PANK2: variants seen among roughly 807,000 people sequenced by gnomAD.
PANK2 encodes pantothenate kinase 2, mitochondrial.
PANK2 carries 36 observed loss-of-function variants against 43.1 expected under a neutral mutation model. The ratio of observed to expected loss-of-function variants is 0.84; its 90% CI spans 0.64 to 1.10. The LOEUF (loss-of-function observed/expected upper bound fraction) is 1.10, where lower values mean the gene tolerates loss of function less well. PANK2 is among the 50% of genes least tolerant of loss of function. The probability of loss-of-function intolerance (pLI) is 0.00; values close to 1 mark genes in which losing one functional copy is unlikely to be tolerated. For missense variants in PANK2, 576 were observed against 593.3 expected, an observed-to-expected ratio of 0.97 and a Z score of 0.30; for synonymous variants, 281 against 238.2, an observed-to-expected ratio of 1.18 and a Z score of -1.66.
rs2090527850 is a variant in PANK2, at chr20:3,914,500, G to T, written c.1082+1866G>T. Among the ~76,000 whole-genome samples, 2 of 151,758 alleles carry T rather than the reference G, an allele frequency of 1.3e-5. 1 individual carries two copies. Among genetic ancestry groups the T allele is most frequent in the South Asian group, 4.2e-4 (2 of 4,818 alleles). On this transcript the variant is annotated intron_variant, in intron 4 of 6. Coordinates refer to ENST00000610179, the MANE Select transcript of PANK2 (RefSeq NM_001386393.1). ...CTAATTTTTTTTTTGTAGAGATAGG[G>T]TCTTGCTATGTTGCCTAGGCTGTCC...
chr20:3,901,832 A>T (rs1403487037), intron 1 of PANK2, among the ~76,000 whole-genome samples: 1 of 151,998 alleles, frequency 6.6e-6, no homozygotes, highest in Non-Finnish European at 1.5e-5. Flanking sequence ...TTGAAAGCTT[A>T]TTTGGTTGGC....
rs765203492 is a variant in PANK2 at position 3,908,183 on chromosome 20, A to G, written c.556A>G (p.Ile186Val). The change falls in exon 2 of 7, where the codon ATT becomes GTT. Residue 186 changes from isoleucine (I) to valine (V), a missense_variant. Physicochemically the swap from Ile to Val is conservative, Grantham distance 29. Coordinates refer to ENST00000610179, the MANE Select transcript of PANK2 (RefSeq NM_001386393.1). ...TCCCACTCATGACATGCCTGCTTTT[A>G]TTCAAATGGGCAGAGATAAAAACTT... The G allele has an allele frequency of 3.1e-6, 5 of 1,614,046 alleles. No individual in the cohort carries two copies. The African/African-American group carries it at 6.7e-5, about 22-fold the overall frequency.
intron 1 of PANK2, among the ~76,000 whole-genome samples, chr20:3,902,577 C>A (rs1260283977): frequency 9.0e-6 from 1 of 111,460 alleles, no homozygotes; most frequent in Non-Finnish European, 1.8e-5. Context: ...CCGCACCTGG[C>A]CTAGTTTTTT....
At chr20:3,921,118 G>A (rs765837620) in intron 6 of PANK2, among the ~76,000 whole-genome samples, 2 of 151,990 alleles carry the variant, frequency 1.3e-5, no homozygotes, top group South Asian at 2.1e-4. Flanking sequence ...TGTTACATAC[G>A]TATACATGTG....
Position 3,924,732 on chromosome 20 carries a change from C to A in PANK2, c.*1438C>A. On this transcript the variant is annotated 3_prime_UTR_variant, in exon 7 of 7. Coordinates refer to ENST00000610179, the MANE Select transcript of PANK2 (RefSeq NM_001386393.1). The stretch of plus-strand genomic sequence containing the variant: ...CGCCCTGATCCTGAGTTCCTCTGCC[C>A]TCCTCTGCTGCCAGCAGCGCTGTTG... The A allele has an allele frequency of 6.5e-6, 1 of 153,392 alleles. No individual in the cohort carries two copies. The allele number at this position is 153,392 out of a possible 1,614,324, so 9.5% of individuals were successfully genotyped here.
Position 3,929,507 on chromosome 20 carries a change from C to T in PANK2, c.*6213C>T, listed in dbSNP as rs149255513. Reference sequence around the variant, plus strand: ...ACTTGCTCAGTAGCTAAGATGTCTGCCCCACAAAATAGAAGCCTTCAGTTG... The same window carrying T: ...ACTTGCTCAGTAGCTAAGATGTCTGTCCCACAAAATAGAAGCCTTCAGTTG... On this transcript the variant is annotated 3_prime_UTR_variant, in exon 7 of 7. Transcript: ENST00000610179. 537 of 152,434 alleles carry T rather than the reference C, an allele frequency of 3.5e-3. 2 individuals are homozygous for T. The highest frequency in any genetic ancestry group is 5.9e-3 in the Non-Finnish European group (403 of 68,092). The allele number at this position is 152,434 out of a possible 1,614,324, so 9.4% of individuals were successfully genotyped here. A position where few individuals can be genotyped will look rare whatever the true frequency, so the allele number is the denominator to read the frequency against.
In PANK2 at chr20:3,926,540, T is replaced by A. The variant is rs573163236; in HGVS notation, c.*3246T>A. On this transcript the variant is annotated 3_prime_UTR_variant, in exon 7 of 7. Transcript: ENST00000610179. Reference sequence around the variant, plus strand: ...GGCCACACAGGAAGGCTTTGGACGTTTTTTCTCCTGACACTAGTTATTTCC... The same window carrying A: ...GGCCACACAGGAAGGCTTTGGACGTATTTTCTCCTGACACTAGTTATTTCC... The A allele has an allele frequency of 1.3e-5, 2 of 152,404 alleles. No individual in the cohort carries two copies. Among genetic ancestry groups the A allele is most frequent in the East Asian group, 1.9e-4 (1 of 5,186 alleles). 9.4% of individuals were successfully genotyped at this position (152,404 alleles called of 1,614,324 possible). A position where few individuals can be genotyped will look rare whatever the true frequency, so the allele number is the denominator to read the frequency against.
chr20:3,889,920 C>G, intron 1 of PANK2, 192 bp downstream of exon 1: 1 of 1,531,958 alleles, frequency 6.5e-7, no homozygotes, highest in Non-Finnish European at 8.7e-7. Flanking sequence ...CGGGGGCCCC[C>G]CCGCACCCAT....
Position 3,925,705 on chromosome 20 carries a change from G to C in PANK2, c.*2411G>C, listed in dbSNP as rs1452189723. On this transcript the variant is annotated 3_prime_UTR_variant, in exon 7 of 7. Transcript: ENST00000610179. ...TGACAGTTAGCTGTGGCTGTCCTCAGCCTCAGTCCTGGGTCTCCCCAAGCA... is the reference window on the plus strand; with the variant it reads ...TGACAGTTAGCTGTGGCTGTCCTCACCCTCAGTCCTGGGTCTCCCCAAGCA... 6.6e-6 allele frequency: 1 copy of C among 152,164 alleles called. No individual in the cohort carries two copies. The highest frequency in any genetic ancestry group is 1.5e-5 in the Non-Finnish European group (1 of 68,078). 9.4% of individuals were successfully genotyped at this position (152,164 alleles called of 1,614,324 possible).
At chr20:3,911,071 T>C (rs2090461451) in intron 3 of PANK2, among the ~76,000 whole-genome samples, 1 of 152,222 alleles carries the variant, frequency 6.6e-6, no homozygotes, top group African/African-American at 2.4e-5. Flanking sequence ...ATTGTAGCCT[T>C]TGCCCTCAGA....
At position 3,928,011 on chromosome 20, in the gene PANK2, G is replaced by A. The variant is rs544153769; in HGVS notation, c.*4717G>A. ...CTACACAAGCCCCTCTTTTTCTTCT[G>A]ATATCCCCACTCAAATGGAAGCACA... On this transcript the variant is annotated 3_prime_UTR_variant, in exon 7 of 7. Coordinates refer to ENST00000610179, the MANE Select transcript of PANK2 (RefSeq NM_001386393.1). The A allele has an allele frequency of 6.6e-6, 1 of 152,200 alleles. No homozygotes were observed. The highest frequency in any genetic ancestry group is 2.4e-5 in the African/African-American group (1 of 41,542). 9.4% of individuals were successfully genotyped at this position (152,200 alleles called of 1,614,324 possible).
At chr20:3,900,109 T>A (rs959757722) in intron 1 of PANK2, among the ~76,000 whole-genome samples, 7 of 151,958 alleles carry the variant, frequency 4.6e-5, no homozygotes, top group African/African-American at 1.7e-4. Context: ...TGCTTGCTGT[T>A]AACATTTGCT....
At chr20:3,920,741 AG>A (rs150590733) in intron 6 of PANK2, among the ~76,000 whole-genome samples, 1,656 of 152,070 alleles carry the variant, frequency 0.011, 18 homozygotes, top group African/African-American at 0.022. Context: ...GCTACTTGGG[AG>A]GCTGAGGTGG....
In PANK2 at chr20:3,901,395, T is replaced by A. The variant is rs372380436; in HGVS notation, c.299-6531T>A. Among the ~76,000 whole-genome samples the A allele has an allele frequency of 2.6e-5, 4 of 152,106 alleles. No homozygotes were observed. In the East Asian group the frequency reaches 7.7e-4, roughly 29 times the overall value. ...CCCCATTTCTTGTCAATCAGCTTTTTTGAACTGATTGCTTTATTTTTTTTC... is the reference window on the plus strand; with the variant it reads ...CCCCATTTCTTGTCAATCAGCTTTTATGAACTGATTGCTTTATTTTTTTTC... On this transcript the variant is annotated intron_variant, in intron 1 of 6. Transcript: ENST00000610179.
At chr20:3,903,500 C>T (rs1396007869) in intron 1 of PANK2, among the ~76,000 whole-genome samples, 6 of 106,088 alleles carry the variant, frequency 5.7e-5, no homozygotes, top group Non-Finnish European at 1.1e-4. Flanking sequence ...GAGTTTTGCT[C>T]TTGTTGCCCA....
intron 1 of PANK2, among the ~76,000 whole-genome samples, chr20:3,900,218 C>G (rs1328626990): frequency 6.6e-6 from 1 of 151,950 alleles, no homozygotes; most frequent in East Asian, 1.9e-4. Flanking sequence ...GCCAGCGATT[C>G]TACCCAGTGT....
chr20:3,892,727 G>A (rs911065705), intron 1 of PANK2, among the ~76,000 whole-genome samples: 2 of 151,584 alleles, frequency 1.3e-5, no homozygotes, highest in African/African-American at 4.8e-5. Flanking sequence ...GTCTAAAGGT[G>A]CAGATAGATA....
Position 3,911,629 on chromosome 20 carries a change from T to A in PANK2, c.905+799T>A, listed in dbSNP as rs1223089358. 4.0e-5 allele frequency among the ~76,000 whole-genome samples: 6 copies of A among 151,302 alleles called. No homozygotes were observed. The East Asian group carries it at 1.2e-3, about 30-fold the overall frequency. On this transcript the variant is annotated intron_variant, in intron 3 of 6. Coordinates refer to ENST00000610179, the MANE Select transcript of PANK2 (RefSeq NM_001386393.1). ...TATTAGGGCCAGGCACGGCAGCTTA[T>A]GCCTGTAATCCCAGCACTTTGGGAG...
intron 1 of PANK2, among the ~76,000 whole-genome samples, chr20:3,891,075 C>A (rs1380710194): frequency 6.6e-6 from 1 of 152,034 alleles, no homozygotes; most frequent in Non-Finnish European, 1.5e-5. Context: ...TTTGAGACAG[C>A]GTCTTGTTCT....
Sources: allele counts gnomAD v4.1 joint callset (sites outside exome capture counted in the v4.1 genomes callset), GRCh38; gene constraint gnomAD v4.1.1; transcripts MANE v1.5; gene names NCBI Gene and HGNC (gene_info 2026-07-23, HGNC 2026-07-21).